Variants in NRXN1 observed in about 807,000 individuals in gnomAD.
NRXN1 encodes the protein neurexin-1.
NRXN1 carries 39 observed loss-of-function variants against 150.9 expected under a neutral mutation model. The ratio of observed to expected loss-of-function variants is 0.26; its 90% CI spans 0.20 to 0.34. The LOEUF (loss-of-function observed/expected upper bound fraction) is 0.34, where lower values mean the gene tolerates loss of function less well. Ranked by LOEUF, NRXN1 falls within the 10% of genes least tolerant of loss-of-function variation. The pLI, the probability that NRXN1 is intolerant of heterozygous loss-of-function variation, is 1.00. For missense variants in NRXN1, 1,815 were observed against 1,949.9 expected (o/e 0.93, Z 1.30); for synonymous variants, 924 against 757.0 (o/e 1.22, Z -3.62).
At chr2:50,280,168 C>T (rs956743675) in intron 17 of NRXN1, among the ~76,000 whole-genome samples, 45 of 151,220 alleles carry the variant, frequency 3.0e-4, no homozygotes, top group Middle Eastern at 3.4e-3. Flanking sequence ...GTCCCAGCTA[C>T]TTGGGAATCT....
At chr2:50,537,996 C>A (rs2093304165) in intron 10 of NRXN1, among the ~76,000 whole-genome samples, 1 of 152,148 alleles carries the variant, frequency 6.6e-6, no homozygotes, top group Non-Finnish European at 1.5e-5. Context: ...ATCTTAGGCT[C>A]ATACTCTAGA....
chr2:50,916,237 C>T (rs757850665), intron 5 of NRXN1, among the ~76,000 whole-genome samples: 55 of 150,922 alleles, frequency 3.6e-4, no homozygotes, highest in Non-Finnish European at 6.7e-4. Context: ...TTTTGCCTAT[C>T]ATAATAAGCA....
At chr2:50,495,383 GT>G (rs2091523555) in intron 15 of NRXN1, among the ~76,000 whole-genome samples, 48 of 123,816 alleles carry the variant, frequency 3.9e-4, no homozygotes, top group African/African-American at 1.5e-3. Context: ...TGTGTGTGGT[GT>G]GTGTGTGTGT....
intron 15 of NRXN1, among the ~76,000 whole-genome samples, chr2:50,480,925 G>C (rs2090410495): frequency 6.6e-6 from 1 of 152,044 alleles, no homozygotes; most frequent in Admixed American, 6.6e-5. Flanking sequence ...AGAAAAAACA[G>C]CTCTGACTTC....
At chr2:50,011,842 C>T (rs1436087448) in intron 21 of NRXN1, among the ~76,000 whole-genome samples, 2 of 152,030 alleles carry the variant, frequency 1.3e-5, no homozygotes, top group East Asian at 1.9e-4. Flanking sequence ...ATGTTAAGCA[C>T]ATTTTATTTT....
intron 8 of NRXN1, among the ~76,000 whole-genome samples, chr2:50,585,526 T>C (rs1173190696): frequency 6.6e-6 from 1 of 152,174 alleles, no homozygotes; most frequent in Non-Finnish European, 1.5e-5. Flanking sequence ...ATGTAATTTG[T>C]TTTTTATGAT....
intron 5 of NRXN1, among the ~76,000 whole-genome samples, chr2:50,810,805 C>A (rs11885005): frequency 0.2 from 29,896 of 151,912 alleles, 3,010 homozygotes; most frequent in African/African-American, 0.2. Flanking sequence ...CATGGTGAAA[C>A]CCTGTCTCTA....
At chr2:50,815,837 G>T (rs950267946) in intron 5 of NRXN1, among the ~76,000 whole-genome samples, 1 of 152,078 alleles carries the variant, frequency 6.6e-6, no homozygotes, top group Non-Finnish European at 1.5e-5. Context: ...CTATATACAA[G>T]AATCCCCAGT....
At chr2:49,978,035 G>GCA (rs1317490920) in intron 21 of NRXN1, among the ~76,000 whole-genome samples, 2 of 151,946 alleles carry the variant, frequency 1.3e-5, no homozygotes, top group Admixed American at 1.3e-4. Flanking sequence ...GGTGGCAGGT[G>GCA]CCTGTAATCC....
intron 19 of NRXN1, among the ~76,000 whole-genome samples, chr2:50,083,024 T>C (rs1698190432): frequency 6.6e-6 from 1 of 152,198 alleles, no homozygotes; most frequent in Admixed American, 6.5e-5. Context: ...AAAGGGCCTG[T>C]TTGGGTTTCA....
intron 5 of NRXN1, among the ~76,000 whole-genome samples, chr2:50,899,473 C>G (rs530924362): frequency 6.6e-6 from 1 of 152,156 alleles, no homozygotes; most frequent in African/African-American, 2.4e-5. Flanking sequence ...TTTCTTCTCT[C>G]CAGACAAGGA....
intron 5 of NRXN1, among the ~76,000 whole-genome samples, chr2:50,740,062 A>G (rs1699248965): frequency 6.6e-6 from 1 of 152,102 alleles, no homozygotes; most frequent in African/African-American, 2.4e-5. Context: ...CAAGTTTCTC[A>G]TTTTATTTTG....
intron 18 of NRXN1, among the ~76,000 whole-genome samples, chr2:50,137,015 T>A (rs1173525482): frequency 6.6e-6 from 1 of 152,206 alleles, no homozygotes; most frequent in Non-Finnish European, 1.5e-5. Flanking sequence ...AAAGAATCTA[T>A]AGACAGTACT....
chr2:50,365,474 T>C (rs150468429), intron 17 of NRXN1, among the ~76,000 whole-genome samples: 2 of 152,228 alleles, frequency 1.3e-5, no homozygotes, highest in African/African-American at 4.8e-5. Context: ...TTATCACTTA[T>C]ATGACGTATG....
chr2:50,535,394 T>C (rs1300802173), intron 10 of NRXN1, among the ~76,000 whole-genome samples: 1 of 152,260 alleles, frequency 6.6e-6, no homozygotes, highest in Non-Finnish European at 1.5e-5. Context: ...CAGTCTAAAG[T>C]GTACACCTGT....
At chr2:50,740,320 A>T (rs1699279545) in intron 5 of NRXN1, among the ~76,000 whole-genome samples, 1 of 152,170 alleles carries the variant, frequency 6.6e-6, no homozygotes. Flanking sequence ...AAAGGTTCTC[A>T]TTTGAAACAT....
chr2:51,015,491 T>G (rs1668520923), intron 2 of NRXN1, among the ~76,000 whole-genome samples: 1 of 152,036 alleles, frequency 6.6e-6, no homozygotes, highest in African/African-American at 2.4e-5. Flanking sequence ...CATTCTTCTT[T>G]ATTGCCAAGA....
chr2:50,060,400 C>T (rs1038443591), intron 19 of NRXN1, among the ~76,000 whole-genome samples: 5 of 152,234 alleles, frequency 3.3e-5, no homozygotes, highest in South Asian at 2.1e-4. Context: ...ACCCACCTTG[C>T]TTTTGATTTT....
intron 8 of NRXN1, among the ~76,000 whole-genome samples, chr2:50,571,063 C>T (rs1573593900): frequency 6.6e-6 from 1 of 152,142 alleles, no homozygotes; most frequent in Admixed American, 6.6e-5. Context: ...AATCCCAAAT[C>T]AGAATGCCTA....
Sources: allele counts gnomAD v4.1 joint callset (sites outside exome capture counted in the v4.1 genomes callset), GRCh38; gene constraint gnomAD v4.1.1; transcripts MANE v1.5; gene names NCBI Gene and HGNC (gene_info 2026-07-23, HGNC 2026-07-21).